The following UNC13C variants were observed in gnomAD, a reference collection of about 807,000 sequenced individuals.
The protein encoded by UNC13C is protein unc-13 homolog C.
In UNC13C, 174 loss-of-function variants were observed where a neutral mutation model predicts 245.4. The ratio of observed to expected loss-of-function variants is 0.71; its 90% confidence interval spans 0.63 to 0.80. The LOEUF is 0.80. Ranked by LOEUF, UNC13C falls within the 30% of genes least tolerant of loss-of-function variation. The pLI, the probability that UNC13C is intolerant of heterozygous loss-of-function variation, is 0.00. For synonymous variants in UNC13C, 992 were observed against 895.1 expected (o/e 1.11, Z -1.93); for missense variants, 2,829 against 2,602.9 (o/e 1.09, Z -1.89).
the UNC13C span, among the ~76,000 whole-genome samples, chr15:53,885,636 A>G: frequency 6.6e-6 from 1 of 152,212 alleles, no homozygotes; most frequent in Non-Finnish European, 1.5e-5. Flanking sequence ...TTTTGATGAC[A>G]TAAATTTGGT....
intron 29 of UNC13C, among the ~76,000 whole-genome samples, chr15:54,557,486 T>TG (rs1897137052): frequency 6.6e-6 from 1 of 151,870 alleles, no homozygotes; most frequent in South Asian, 2.1e-4. Context: ...CAAACATTAA[T>TG]TGTGAGATTG....
intron 24 of UNC13C, chr15:54,512,499 A>C: frequency 2.5e-6 from 1 of 395,292 alleles, no homozygotes; most frequent in South Asian, 1.9e-5. Flanking sequence ...ACAGACAGTG[A>C]AATACTAGCT....
chr15:54,624,741 T>C (rs566116264), intron 32 of UNC13C, among the ~76,000 whole-genome samples: 41 of 152,278 alleles, frequency 2.7e-4, no homozygotes, highest in African/African-American at 9.9e-4. Context: ...GAAGATTCTG[T>C]ATCATGTGTG....
At chr15:54,194,916 C>T (rs924646658) in intron 4 of UNC13C, among the ~76,000 whole-genome samples, 3 of 152,120 alleles carry the variant, frequency 2.0e-5, no homozygotes, top group Non-Finnish European at 2.9e-5. Context: ...CTCAGTGAAA[C>T]TCAAACAGGA....
chr15:54,496,829 TG>T (rs931797824), intron 20 of UNC13C, among the ~76,000 whole-genome samples: 2 of 146,172 alleles, frequency 1.4e-5, no homozygotes, highest in South Asian at 2.2e-4. Flanking sequence ...AAAGGGAAGT[TG>T]GGGGGGAAGG....
chr15:54,187,397 T>G (rs2034029981), intron 4 of UNC13C, among the ~76,000 whole-genome samples: 1 of 152,144 alleles, frequency 6.6e-6, no homozygotes, highest in African/African-American at 2.4e-5. Flanking sequence ...TTAATAACTT[T>G]CCATTGCTCA....
chr15:53,976,579 C>G (rs1044771360), upstream of UNC13C, among the ~76,000 whole-genome samples: 3 of 144,370 alleles, frequency 2.1e-5, no homozygotes, highest in Non-Finnish European at 3.0e-5. Flanking sequence ...TCAAGTGATT[C>G]TACTGCCTCA....
At chr15:54,367,954 T>C (rs1029629621) in intron 17 of UNC13C, among the ~76,000 whole-genome samples, 1 of 152,110 alleles carries the variant, frequency 6.6e-6, no homozygotes, top group Non-Finnish European at 1.5e-5. Flanking sequence ...TTGGAAAACA[T>C]AACTCTGGAA....
At chr15:54,060,343 T>G (rs547114098) in intron 2 of UNC13C, among the ~76,000 whole-genome samples, 1 of 152,150 alleles carries the variant, frequency 6.6e-6, no homozygotes, top group Non-Finnish European at 1.5e-5. Context: ...AAGACATTTA[T>G]GCAGCCAACA....
rs74246489 is a variant in UNC13C, at chr15:54,283,520, C to A, written c.3819-10375C>A. Reference sequence around the variant, plus strand: ...AGTATATATACATTATTTAATCAATCTCCTGGGTTTTATAATTAGGAAATT... The same window carrying A: ...AGTATATATACATTATTTAATCAATATCCTGGGTTTTATAATTAGGAAATT... On this transcript the variant is annotated intron_variant, in intron 10 of 32. Transcript: ENST00000260323. Among the ~76,000 whole-genome samples, 139 of 151,932 alleles carry A rather than the reference C, an allele frequency of 9.1e-4. No homozygotes were observed. In the East Asian group the frequency reaches 0.025, roughly 27 times the overall value.
chr15:54,396,937 G>A (rs1448821094), intron 18 of UNC13C, among the ~76,000 whole-genome samples: 1 of 150,546 alleles, frequency 6.6e-6, no homozygotes, highest in African/African-American at 2.4e-5. Flanking sequence ...AGAAATAAAT[G>A]TTGCAGTATA....
intron 2 of UNC13C, among the ~76,000 whole-genome samples, chr15:54,091,375 G>A (rs1000432078): frequency 6.6e-6 from 1 of 152,160 alleles, no homozygotes; most frequent in Non-Finnish European, 1.5e-5. Context: ...TATTCTCGCA[G>A]ATGGATTTTA....
rs1034727809 is a variant in UNC13C at position 54,519,755 on chromosome 15, C to T, written c.5458-5794C>T. Among the ~76,000 whole-genome samples, 9 of 152,164 alleles carry T rather than the reference C, an allele frequency of 5.9e-5. 1 individual carries two copies. The South Asian group carries it at 8.3e-4, about 14-fold the overall frequency. The stretch of plus-strand genomic sequence containing the variant: ...CACATTTGTTTCCGGTAGAGAGGAC[C>T]GTGTATTCTTTTACTTCTGACAACA... On this transcript the variant is annotated intron_variant, in intron 24 of 32. Transcript: ENST00000260323.
At chr15:54,143,520 C>T (rs1400727799) in intron 3 of UNC13C, 100 bp from the exon 4 acceptor site, 7 of 832,388 alleles carry the variant, frequency 8.4e-6, no homozygotes, top group East Asian at 2.6e-5. Flanking sequence ...CTAGGTGTTA[C>T]GTGTGTAGTG....
At chr15:54,442,953 T>G (rs903854697) in intron 19 of UNC13C, among the ~76,000 whole-genome samples, 1 of 152,186 alleles carries the variant, frequency 6.6e-6, no homozygotes, top group Non-Finnish European at 1.5e-5. Context: ...AATAATTTTT[T>G]CCTCTTAATT....
chr15:54,224,953 T>C (rs1057512278), intron 4 of UNC13C, among the ~76,000 whole-genome samples: 1 of 152,050 alleles, frequency 6.6e-6, no homozygotes, highest in Non-Finnish European at 1.5e-5. Context: ...CATAGTAGCC[T>C]CCAATGATCC....
At chr15:54,178,383 C>T (rs759711017) in intron 4 of UNC13C, among the ~76,000 whole-genome samples, 1 of 151,952 alleles carries the variant, frequency 6.6e-6, no homozygotes, top group Non-Finnish European at 1.5e-5. Context: ...GCTTAAAAAT[C>T]GATGGATATT....
the UNC13C span, among the ~76,000 whole-genome samples, chr15:53,951,326 C>G: frequency 1.3e-5 from 2 of 152,170 alleles, no homozygotes; most frequent in African/African-American, 4.8e-5. Flanking sequence ...TCACATCTAT[C>G]TAATGTATAA....
chr15:54,500,395 T>C (rs138975221), intron 21 of UNC13C, among the ~76,000 whole-genome samples: 24 of 151,980 alleles, frequency 1.6e-4, no homozygotes, highest in African/African-American at 5.8e-4. Context: ...TTTCCCAAGA[T>C]TTTCTTTAAT....
Sources: allele counts gnomAD v4.1 joint callset (sites outside exome capture counted in the v4.1 genomes callset), GRCh38; gene constraint gnomAD v4.1.1; transcripts MANE v1.5; gene names NCBI Gene and HGNC (gene_info 2026-07-23, HGNC 2026-07-21).